Variants in MAP2K4 observed in about 807,000 individuals in gnomAD.
MAP2K4 encodes mitogen-activated protein kinase kinase 4.
In MAP2K4, 4 loss-of-function variants were observed where a neutral mutation model predicts 48.5. The observed-to-expected ratio is 0.08, with a 90% CI of 0.04 to 0.19. MAP2K4 has a LOEUF of 0.19. Among genes scored for constraint, MAP2K4 ranks in the 10% least tolerant of loss-of-function variants. MAP2K4 has a pLI of 1.00. For missense variants in MAP2K4, 258 were observed against 493.3 expected, an observed-to-expected ratio of 0.52 and a Z score of 4.52; for synonymous variants, 166 against 173.1, an observed-to-expected ratio of 0.96 and a Z score of 0.32.
intron 1 of MAP2K4, among the ~76,000 whole-genome samples, chr17:12,048,021 C>G (rs1031333532): frequency 1.3e-5 from 2 of 152,140 alleles, no homozygotes; most frequent in African/African-American, 4.8e-5. Flanking sequence ...CCTTTAACCT[C>G]CTTGTACTAC....
chr17:12,048,106 G>A lies in MAP2K4; in HGVS notation c.116-6783G>A, dbSNP rs563978092. 2.0e-5 allele frequency among the ~76,000 whole-genome samples: 3 copies of A among 152,174 alleles called. No homozygotes were observed. In the South Asian group the frequency reaches 6.2e-4, roughly 32 times the overall value. On this transcript the variant is annotated intron_variant, in intron 1 of 10. Transcript: ENST00000353533. The stretch of plus-strand genomic sequence containing the variant: ...TGCTTTTGAACTCATGGGCGCAAAC[G>A]ATCCTTTTGCTTTGGCCTCCCAAAG...
chr17:12,125,213 T>C lies in MAP2K4; in HGVS notation c.814-81T>C, dbSNP rs1597493499. On this transcript the variant is annotated intron_variant, in intron 7 of 10. Transcript: ENST00000353533. ...TCTAGGAATATACTGGCATTTTGGC[T>C]GTCTACCCAGCTGTTGCTTCCATTT... The C allele has an allele frequency of 1.5e-5, 15 of 971,346 alleles. No individual in the cohort carries two copies. In the East Asian group the frequency reaches 3.6e-4, roughly 23 times the overall value. 60.2% of individuals were successfully genotyped at this position (971,346 alleles called of 1,614,324 possible). A position where few individuals can be genotyped will look rare whatever the true frequency, so the allele number is the denominator to read the frequency against.
At chr17:12,128,409 G>C (rs1270103637) in intron 8 of MAP2K4, among the ~76,000 whole-genome samples, 1 of 152,158 alleles carries the variant, frequency 6.6e-6, no homozygotes, top group East Asian at 1.9e-4. Context: ...TTTCAGAACA[G>C]AAAGGGAGAT....
chr17:12,108,680 A>G (rs1157833969), intron 5 of MAP2K4, among the ~76,000 whole-genome samples: 1 of 152,112 alleles, frequency 6.6e-6, no homozygotes, highest in Non-Finnish European at 1.5e-5. Context: ...TATAAACTAA[A>G]TCATACAGGA....
intron 3 of MAP2K4, 94 bp from the exon 4 acceptor site, chr17:12,095,481 C>T (rs764101120): frequency 2.5e-5 from 34 of 1,382,152 alleles, no homozygotes; most frequent in Admixed American, 3.5e-5. Context: ...TTTTTAGTCT[C>T]GTAACGGTTT....
intron 1 of MAP2K4, among the ~76,000 whole-genome samples, chr17:12,043,356 A>G (rs1373474844): frequency 6.6e-6 from 1 of 152,172 alleles, no homozygotes; most frequent in Non-Finnish European, 1.5e-5. Context: ...TCTGACACCA[A>G]GCAATTCTCT....
intron 1 of MAP2K4, among the ~76,000 whole-genome samples, chr17:12,044,825 G>A (rs758885465): frequency 6.6e-6 from 1 of 152,164 alleles, no homozygotes; most frequent in Admixed American, 6.5e-5. Flanking sequence ...TCCCAGTTGG[G>A]TTTCCCACAA....
chr17:12,036,770 T>C (rs1969612192), intron 1 of MAP2K4: 1 of 152,082 alleles, frequency 6.6e-6, no homozygotes, highest in African/African-American at 2.4e-5. Flanking sequence ...GGAATTTTCC[T>C]CAGAAAATGC....
At chr17:12,029,693 C>G (rs1969372103) in intron 1 of MAP2K4, among the ~76,000 whole-genome samples, 2 of 151,988 alleles carry the variant, frequency 1.3e-5, no homozygotes, top group African/African-American at 4.8e-5. Flanking sequence ...AATCCCATAA[C>G]TTTGGGAGGC....
intron 1 of MAP2K4, among the ~76,000 whole-genome samples, chr17:12,050,359 A>C (rs1205458054): frequency 6.6e-6 from 1 of 152,250 alleles, no homozygotes; most frequent in Non-Finnish European, 1.5e-5. Flanking sequence ...ATAGTTAAAA[A>C]TTTAAAGCAG....
intron 4 of MAP2K4, among the ~76,000 whole-genome samples, chr17:12,102,156 T>A (rs2151567733): frequency 6.6e-6 from 1 of 152,246 alleles, no homozygotes; most frequent in South Asian, 2.1e-4. Flanking sequence ...TATATATATA[T>A]TTTTAATCAG....
At chr17:12,134,770 C>T (rs1973150137) in intron 9 of MAP2K4, among the ~76,000 whole-genome samples, 1 of 152,136 alleles carries the variant, frequency 6.6e-6, no homozygotes, top group East Asian at 1.9e-4. Context: ...CACAAAACAC[C>T]AAGTCAGCAA....
intron 3 of MAP2K4, among the ~76,000 whole-genome samples, chr17:12,091,551 C>G (rs192235129): frequency 6.6e-6 from 1 of 152,038 alleles, no homozygotes; most frequent in African/African-American, 2.4e-5. Flanking sequence ...AGAAAAAATA[C>G]GCTTTTTGGA....
chr17:12,077,633 G>C (rs1397129868), intron 2 of MAP2K4, among the ~76,000 whole-genome samples: 1 of 152,144 alleles, frequency 6.6e-6, no homozygotes, highest in Admixed American at 6.5e-5. Flanking sequence ...CAGGCAACAA[G>C]AAGGAGGTTG....
intron 7 of MAP2K4, among the ~76,000 whole-genome samples, chr17:12,123,919 G>A (rs28923231): frequency 1.3e-3 from 196 of 152,210 alleles, no homozygotes; most frequent in African/African-American, 4.4e-3. Flanking sequence ...AAAACAAGGT[G>A]TGTTTTATGC....
chr17:12,087,047 A>G (rs376553452), intron 3 of MAP2K4, among the ~76,000 whole-genome samples: 1 of 151,924 alleles, frequency 6.6e-6, no homozygotes, highest in Admixed American at 6.6e-5. Flanking sequence ...GGGTTTCACC[A>G]TGTTGGCTAG....
At chr17:12,050,296 TTTTG>T (rs879721480) in intron 1 of MAP2K4, among the ~76,000 whole-genome samples, 3 of 152,168 alleles carry the variant, frequency 2.0e-5, no homozygotes, top group Non-Finnish European at 2.9e-5. Flanking sequence ...TGAACTGCTG[TTTTG>T]TCTGAGGTAC....
At chr17:12,072,458 T>C (rs139967771) in intron 2 of MAP2K4, among the ~76,000 whole-genome samples, 10 of 152,358 alleles carry the variant, frequency 6.6e-5, no homozygotes, top group African/African-American at 2.4e-4. Flanking sequence ...ATGAAAGTTT[T>C]CTTATTTTCT....
intron 3 of MAP2K4, among the ~76,000 whole-genome samples, chr17:12,086,974 G>A (rs1032826395): frequency 4.6e-5 from 7 of 152,062 alleles, no homozygotes; most frequent in Non-Finnish European, 1.5e-5. Flanking sequence ...AGCCTCCCAA[G>A]TAGCTGGGAC....
Sources: gnomAD v4.1 joint callset for allele counts (sites outside exome capture counted in the v4.1 genomes callset) on GRCh38, gnomAD v4.1.1 for gene constraint, MANE v1.5 for transcripts, NCBI Gene and HGNC (gene_info 2026-07-23, HGNC 2026-07-21) for gene names.